The following DSCAML1 variants were observed in gnomAD, a reference collection of about 807,000 sequenced individuals.
DSCAML1 encodes the protein cell adhesion molecule DSCAML1.
DSCAML1 carries 38 observed loss-of-function variants against 200.5 expected under a neutral mutation model. That is an observed-to-expected ratio of 0.19 (90% confidence interval 0.15 to 0.25). DSCAML1 has a LOEUF of 0.25. DSCAML1 is among the 10% of genes least tolerant of loss of function. The probability of loss-of-function intolerance (pLI) is 1.00; values close to 1 mark genes in which losing one functional copy is unlikely to be tolerated. For missense variants in DSCAML1, 2,223 were observed against 2,858.8 expected (o/e 0.78, Z 5.07); for synonymous variants, 1,215 against 1,165.0 (o/e 1.04, Z -0.87).
rs1160421724 is a variant in DSCAML1 at position 117,505,964 on chromosome 11, T to A, written c.1784-232A>T. ...TCTCTGTTCAGGGCCTTGACTGGCC[T>A]GGATTAACTCTGACCTTTTGATGTG... On this transcript the variant is annotated intron_variant, in intron 8 of 32. Transcript: ENST00000651296. The surrounding 1 kb of genome is among the most constrained non-coding windows in gnomAD (Gnocchi z 6.7). Among the ~76,000 whole-genome samples the A allele has an allele frequency of 6.6e-6, 1 of 152,234 alleles. No homozygotes were observed. The highest frequency in any genetic ancestry group is 1.5e-5 in the Non-Finnish European group (1 of 68,048).
intron 12 of DSCAML1, 111 bp downstream of exon 12, chr11:117,481,852 G>A: frequency 8.0e-7 from 1 of 1,254,422 alleles, no homozygotes. Context: ...TTTGGGGTGT[G>A]GGGAGGGGCT....
At chr11:117,587,582 T>G (rs2051174623) in intron 3 of DSCAML1, among the ~76,000 whole-genome samples, 1 of 152,104 alleles carries the variant, frequency 6.6e-6, no homozygotes, top group Admixed American at 6.5e-5. Context: ...CGGGCCGATG[T>G]TGTTCATGAC....
intron 3 of DSCAML1, among the ~76,000 whole-genome samples, chr11:117,707,320 T>C (rs2137759966): frequency 6.6e-6 from 1 of 152,296 alleles, no homozygotes; most frequent in African/African-American, 2.4e-5. Context: ...ATAGAATCAG[T>C]TTCCTGGCTC....
intron 3 of DSCAML1, among the ~76,000 whole-genome samples, chr11:117,730,699 G>A (rs779735720): frequency 3.9e-5 from 6 of 152,062 alleles, no homozygotes; most frequent in South Asian, 2.1e-4. Context: ...AATTCCCCTC[G>A]CAGGTATCTA....
intron 1 of DSCAML1, among the ~76,000 whole-genome samples, chr11:117,809,849 ACACT>A (rs1022509783): frequency 2.0e-5 from 3 of 151,858 alleles, no homozygotes; most frequent in East Asian, 1.9e-4. Flanking sequence ...AGTCACATAC[ACACT>A]CACACTCACT....
chr11:117,698,808 G>A (rs7122782), intron 3 of DSCAML1, among the ~76,000 whole-genome samples: 13,611 of 152,126 alleles, frequency 0.089, 702 homozygotes, highest in African/African-American at 0.13. Context: ...CCTCTGCCCT[G>A]TATACCACAG....
At chr11:117,557,208 G>A (rs4938406) in intron 3 of DSCAML1, among the ~76,000 whole-genome samples, 16,630 of 152,200 alleles carry the variant, frequency 0.11, 1,043 homozygotes, top group East Asian at 0.2. Flanking sequence ...GCAGGAAGAA[G>A]GTGCAGAGGC....
At chr11:117,594,581 T>A (rs1452297747) in intron 3 of DSCAML1, among the ~76,000 whole-genome samples, 1 of 152,220 alleles carries the variant, frequency 6.6e-6, no homozygotes. Flanking sequence ...GGCTCTGACA[T>A]CTGTGTTCTG....
chr11:117,785,539 G>C (rs903822123), intron 1 of DSCAML1, among the ~76,000 whole-genome samples: 1 of 152,118 alleles, frequency 6.6e-6, no homozygotes, highest in African/African-American at 2.4e-5. Context: ...GGCCTCAGCG[G>C]TGGAAGACAG....
chr11:117,781,072 G>A (rs889313191), intron 1 of DSCAML1, among the ~76,000 whole-genome samples: 1 of 152,078 alleles, frequency 6.6e-6, no homozygotes, highest in Non-Finnish European at 1.5e-5. Context: ...CGAGGCGGGC[G>A]GATCACCTGA....
chr11:117,435,039 AG>A (rs2047884995), intron 27 of DSCAML1, among the ~76,000 whole-genome samples: 1 of 152,240 alleles, frequency 6.6e-6, no homozygotes. Flanking sequence ...ACCCAATAAA[AG>A]TTTTCCAAAT....
chr11:117,633,126 T>TG (rs1362187311), intron 3 of DSCAML1, among the ~76,000 whole-genome samples: 1 of 151,956 alleles, frequency 6.6e-6, no homozygotes, highest in Non-Finnish European at 1.5e-5. Flanking sequence ...ATCTGGAATT[T>TG]GGGGGTGACA....
At chr11:117,710,661 T>C (rs1283448159) in intron 3 of DSCAML1, among the ~76,000 whole-genome samples, 1 of 152,186 alleles carries the variant, frequency 6.6e-6, no homozygotes, top group African/African-American at 2.4e-5. Flanking sequence ...AGTGCCTACC[T>C]GTGAGGTCAT....
intron 2 of DSCAML1, among the ~76,000 whole-genome samples, chr11:117,778,736 C>G (rs1392878147): frequency 6.6e-6 from 1 of 152,220 alleles, no homozygotes; most frequent in Non-Finnish European, 1.5e-5. Context: ...GGGGAGGTGA[C>G]AGGAAACATG....
intron 8 of DSCAML1, among the ~76,000 whole-genome samples, chr11:117,512,077 C>T (rs978237159): frequency 6.6e-6 from 1 of 152,250 alleles, no homozygotes; most frequent in Admixed American, 6.5e-5. Context: ...TCAGCCCCAC[C>T]CTGCCCACTG....
At chr11:117,643,219 G>A (rs987856146) in intron 3 of DSCAML1, among the ~76,000 whole-genome samples, 1 of 152,156 alleles carries the variant, frequency 6.6e-6, no homozygotes, top group Non-Finnish European at 1.5e-5. Flanking sequence ...CTCAAGAGGT[G>A]GGACAAGCAG....
intron 1 of DSCAML1, among the ~76,000 whole-genome samples, chr11:117,792,804 G>A (rs2055496146): frequency 6.6e-5 from 10 of 152,154 alleles, no homozygotes; most frequent in Admixed American, 6.5e-4. Context: ...CATGAGAGGA[G>A]CAACCCACAT....
intron 5 of DSCAML1, among the ~76,000 whole-genome samples, chr11:117,524,123 C>T (rs1412282812): frequency 2.0e-5 from 3 of 152,244 alleles, no homozygotes; most frequent in African/African-American, 7.2e-5. Flanking sequence ...TCTGCTTCTA[C>T]CCTCTCTGCC....
chr11:117,532,330 C>T (rs764528827), intron 4 of DSCAML1, 46 bp downstream of exon 4: 4 of 1,584,830 alleles, frequency 2.5e-6, no homozygotes, highest in Non-Finnish European at 3.4e-6. Context: ...GGCCTGGTGT[C>T]CTCCCTTCCC....
Sources: allele counts gnomAD v4.1 joint callset (sites outside exome capture counted in the v4.1 genomes callset), GRCh38; gene constraint gnomAD v4.1.1; non-coding constraint Gnocchi (gnomAD v3.1); transcripts MANE v1.5; gene names NCBI Gene and HGNC (gene_info 2026-07-23, HGNC 2026-07-21).